The following SCN4A variants were observed in gnomAD, a reference collection of about 807,000 sequenced individuals.
SCN4A encodes sodium channel protein type 4 subunit alpha.
In SCN4A, 83 loss-of-function variants were observed where a neutral mutation model predicts 162.0. The observed-to-expected ratio is 0.51, with a 90% confidence interval of 0.43 to 0.61. The LOEUF (loss-of-function observed/expected upper bound fraction) is 0.61. Among genes scored for constraint, SCN4A ranks in the 20% least tolerant of loss-of-function variants. The probability of loss-of-function intolerance (pLI) is 0.00; values close to 1 mark genes in which losing one functional copy is unlikely to be tolerated. For missense variants in SCN4A, 2,196 were observed against 2,462.5 expected, an observed-to-expected ratio of 0.89 and a Z score of 2.29; for synonymous variants, 944 against 985.1, an observed-to-expected ratio of 0.96 and a Z score of 0.78.
chr17:63,953,274 C>T (rs1230546791), intron 13 of SCN4A, among the ~76,000 whole-genome samples: 8 of 151,808 alleles, frequency 5.3e-5, no homozygotes, highest in Admixed American at 1.3e-4. Context: ...GCAGGAGAAT[C>T]GCTTGAACCC....
At position 63,940,882 on chromosome 17, in the gene SCN4A, G is replaced by T; in HGVS notation, c.5400C>A (p.Asp1800Glu). 6.2e-7 allele frequency: 1 copy of T among 1,613,828 alleles called. No individual in the cohort carries two copies. The highest frequency in any genetic ancestry group is 8.5e-7 in the Non-Finnish European group (1 of 1,179,874). ...PSPEEKGEAG[D>E]AGPTMGLMPI... ...GCATCAGCCCCATAGTGGGTCCGGC[G>T]TCCCCTGCCTCGCCCTTCTCCTCCG... Residue 1800 changes from aspartate (D) to glutamate (E), a missense_variant, in exon 24 of 24, where the codon GAC (aspartate) becomes GAA (glutamate). Asp to Glu is a conservative substitution (Grantham distance 45, BLOSUM62 2). Coordinates refer to ENST00000435607, the MANE Select transcript of SCN4A (RefSeq NM_000334.4).
chr17:63,965,026 C>CTAT (rs545445856), intron 8 of SCN4A, among the ~76,000 whole-genome samples: 40 of 152,226 alleles, frequency 2.6e-4, no homozygotes, highest in African/African-American at 9.6e-4. Flanking sequence ...CAAATAGTAG[C>CTAT]TATTATTATT....
At chr17:63,960,903 G>T (rs1341822704) in intron 11 of SCN4A, among the ~76,000 whole-genome samples, 2 of 151,500 alleles carry the variant, frequency 1.3e-5, no homozygotes, top group East Asian at 3.9e-4. Context: ...CTGCTTCCAG[G>T]GCATGGTCTG....
At chr17:63,959,765 A>G (rs1567824034) in intron 11 of SCN4A, among the ~76,000 whole-genome samples, 2 of 152,262 alleles carry the variant, frequency 1.3e-5, no homozygotes, top group East Asian at 3.9e-4. Flanking sequence ...TCTGTGGTTC[A>G]CTTTGTGACT....
chr17:63,949,781 T>C (rs993512559), intron 14 of SCN4A: 7 of 364,194 alleles, frequency 1.9e-5, no homozygotes, highest in Non-Finnish European at 3.5e-5. Context: ...GGTAAGGGCA[T>C]GAGGACACAT....
chr17:63,966,430 A>G (rs1909448599), intron 7 of SCN4A, 51 bp downstream of exon 7: 1 of 1,553,680 alleles, frequency 6.4e-7, no homozygotes. Context: ...ATCAGCTCCC[A>G]CCTTCCAAGA....
chr17:63,941,610 C>G lies in SCN4A; in HGVS notation c.4672G>C (p.Glu1558Gln). 6.2e-7 allele frequency: 1 copy of G among 1,614,036 alleles called. No individual in the cohort carries two copies. Among genetic ancestry groups the G allele is most frequent in the Non-Finnish European group, 8.5e-7 (1 of 1,179,974 alleles). Residue 1558 changes from glutamate to glutamine, a missense_variant, in exon 24 of 24, where the codon GAG becomes CAG. By Grantham distance (29) the Glu-to-Gln change is conservative (BLOSUM62 2). Coordinates refer to ENST00000435607, the MANE Select transcript of SCN4A (RefSeq NM_000334.4). The surrounding 1 kb of genome is among the most constrained non-coding windows in gnomAD (Gnocchi z 6.2). The part of the protein sequence containing the change: ...SGPPDCDPNL[E>Q]NPGTSVKGDC... ...CCCTTGACACTGGTGCCCGGGTTCT[C>G]CAGGTTGGGGTCACAGTCTGGGGGC...
intron 14 of SCN4A, 154 bp from the exon 15 acceptor site, chr17:63,949,682 C>T (rs1207326027): frequency 3.5e-5 from 30 of 862,172 alleles, no homozygotes; most frequent in Admixed American, 1.2e-4. Context: ...CCTGGATGGT[C>T]GAGGAACCAC....
rs763022938 is a variant in SCN4A at position 63,949,445 on chromosome 17, C to T, written c.2937G>A (p.Glu979=). 9 of 1,607,738 alleles carry T rather than the reference C, an allele frequency of 5.6e-6. No individual in the cohort carries two copies. In the South Asian group the frequency reaches 7.8e-5, roughly 14 times the overall value. The change falls in exon 15 of 24, where the codon GAG becomes GAA. Residue 979 remains glutamate, a synonymous_variant. Coordinates refer to ENST00000435607, the MANE Select transcript of SCN4A (RefSeq NM_000334.4). ...CCCCCTCGGGGTTCTCCTCTGCCTGCTCCTCAGGGTCCTCCTCGGGGGGCT... is the reference window on the plus strand; with the variant it reads ...CCCCCTCGGGGTTCTCCTCTGCCTGTTCCTCAGGGTCCTCCTCGGGGGGCT... The part of the protein sequence containing the change: ...DYKPPEEDPE[E]QAEENPEGEQ...
intron 6 of SCN4A, 57 bp from the exon 7 acceptor site, chr17:63,966,601 C>A: frequency 1.5e-6 from 2 of 1,324,706 alleles, no homozygotes; most frequent in South Asian, 1.2e-5. Flanking sequence ...ACAGTGTGAG[C>A]ACCTGCGCCC....
chr17:63,959,162 C>T (rs1909164821), intron 12 of SCN4A, 103 bp downstream of exon 12: 5 of 1,033,890 alleles, frequency 4.8e-6, no homozygotes, highest in Admixed American at 2.5e-5. Flanking sequence ...TCGTTTTCAG[C>T]CCTCTAGCTT....
intron 5 of SCN4A, among the ~76,000 whole-genome samples, chr17:63,970,311 T>G (rs1909575350): frequency 6.6e-6 from 1 of 152,138 alleles, no homozygotes. Context: ...ATTAAGGCAT[T>G]TAATCCTTAC....
At chr17:63,967,118 G>A (rs1321438511) in intron 6 of SCN4A, among the ~76,000 whole-genome samples, 1 of 151,982 alleles carries the variant, frequency 6.6e-6, no homozygotes, top group East Asian at 1.9e-4. Context: ...TAGGGAGTAG[G>A]AACTATAGAC....
Position 63,971,192 on chromosome 17 carries a change from G to A in SCN4A, c.673C>T (p.Arg225Trp), listed in dbSNP as rs764718003. ...ISALRTFRVL[R>W]ALKTITVIPG... ...ATGACCGTGATGGTTTTGAGGGCCC[G>A]CAGCACCCGGAAGGTCCTCAGGGCT... Residue 225 changes from arginine (R) to tryptophan (W), a missense_variant, in exon 5 of 24, where the codon CGG becomes TGG. Arg to Trp is a moderately radical substitution (Grantham distance 101, BLOSUM62 -3). Transcript: ENST00000435607. 31 of 1,564,736 alleles carry A rather than the reference G, an allele frequency of 2.0e-5. No individual in the cohort carries two copies. In the East Asian group the frequency reaches 2.1e-4, roughly 11 times the overall value.
At chr17:63,969,476 G>C (rs1337467258) in intron 5 of SCN4A, among the ~76,000 whole-genome samples, 1 of 152,278 alleles carries the variant, frequency 6.6e-6, no homozygotes, top group East Asian at 1.9e-4. Flanking sequence ...CGAGGATGCT[G>C]GCAGCTGGCA....
At position 63,940,605 on chromosome 17, in the gene SCN4A, C is replaced by T. The variant is rs1480381568; in HGVS notation, c.*166G>A. 4.3e-5 allele frequency: 31 copies of T among 726,172 alleles called. 1 individual carries two copies. Among genetic ancestry groups the T allele is most frequent in the South Asian group, 2.2e-4 (8 of 36,222 alleles). 45.0% of individuals were successfully genotyped at this position (726,172 alleles called of 1,614,324 possible). ...ATTTCCCATGGTCTGGGAACGCAGG[C>T]GCTCGGGCCTGGGTGTCAGCCCCAG... On this transcript the variant is annotated 3_prime_UTR_variant, in exon 24 of 24. Transcript: ENST00000435607.
rs1486592175 is a variant in SCN4A at position 63,950,848 on chromosome 17, C to T, written c.2853+576G>A. Among the ~76,000 whole-genome samples the T allele has an allele frequency of 1.3e-5, 2 of 152,216 alleles. No individual in the cohort carries two copies. The highest frequency in any genetic ancestry group is 4.8e-5 in the African/African-American group (2 of 41,454). ...GGCATCTGAGCCCAGCAGCACACCC[C>T]CTGCATGGCTGAGGGGTCAGGGCTC... On this transcript the variant is annotated intron_variant, in intron 14 of 23. Coordinates refer to ENST00000435607, the MANE Select transcript of SCN4A (RefSeq NM_000334.4). This position sits in a 1 kb window ranked among gnomAD's most constrained non-coding sequence, Gnocchi z 4.6.
chr17:63,940,609 C>T lies in SCN4A; in HGVS notation c.*162G>A, dbSNP rs982732501. The stretch of plus-strand genomic sequence containing the variant: ...CCCATGGTCTGGGAACGCAGGCGCT[C>T]GGGCCTGGGTGTCAGCCCCAGTGTG... On this transcript the variant is annotated 3_prime_UTR_variant, in exon 24 of 24. Transcript: ENST00000435607. The T allele has an allele frequency of 2.4e-5, 19 of 776,282 alleles. No individual in the cohort carries two copies. The highest frequency in any genetic ancestry group is 1.8e-4 in the African/African-American group (10 of 55,452). 48.1% of individuals were successfully genotyped at this position (776,282 alleles called of 1,614,324 possible). A position where few individuals can be genotyped will look rare whatever the true frequency, so the allele number is the denominator to read the frequency against.
At position 63,951,652 on chromosome 17, in the gene SCN4A, G is replaced by C; in HGVS notation, c.2625C>G (p.Pro875=). ...GEAGEAGETA[P]EDEKKEPPEE... is the part of the protein sequence containing the mutation. ...CGGGCGGCTCCTTCTTCTCATCCTCGGGGGCAGTCTCCCCCGCCTCTCCAG... is the reference window on the plus strand; with the variant it reads ...CGGGCGGCTCCTTCTTCTCATCCTCCGGGGCAGTCTCCCCCGCCTCTCCAG... The change falls in exon 14 of 24, where the codon CCC becomes CCG. Residue 875 remains proline, a synonymous_variant. Transcript: ENST00000435607. The surrounding 1 kb of genome is among the most constrained non-coding windows in gnomAD (Gnocchi z 4.5). 6.2e-7 allele frequency: 1 copy of C among 1,602,088 alleles called. No homozygotes were observed. Among genetic ancestry groups the C allele is most frequent in the Non-Finnish European group, 8.5e-7 (1 of 1,174,212 alleles).
Sources: allele counts gnomAD v4.1 joint callset (sites outside exome capture counted in the v4.1 genomes callset), GRCh38; gene constraint gnomAD v4.1.1; non-coding constraint Gnocchi (gnomAD v3.1); transcripts MANE v1.5; gene names NCBI Gene and HGNC (gene_info 2026-07-23, HGNC 2026-07-21).